The following HEPHL1 variants were observed in gnomAD, a reference collection of about 807,000 sequenced individuals.
HEPHL1 encodes ferroxidase HEPHL1.
A neutral mutation model predicts 122.0 loss-of-function variants in HEPHL1; 123 were observed. That is an observed-to-expected ratio of 1.01 (90% CI 0.87 to 1.17). HEPHL1 has a LOEUF of 1.17. Among genes scored for constraint, HEPHL1 ranks in the 50% most tolerant of loss-of-function variants. The pLI, the probability that HEPHL1 is intolerant of heterozygous loss-of-function variation, is 0.00. For missense variants in HEPHL1, 1,452 were observed against 1,430.5 expected (o/e 1.01, Z -0.24); for synonymous variants, 527 against 508.9 (o/e 1.04, Z -0.48).
intron 14 of HEPHL1, 96 bp from the exon 15 acceptor site, chr11:94,102,818 T>A: frequency 1.5e-6 from 1 of 648,058 alleles, no homozygotes; most frequent in Non-Finnish European, 2.7e-6. Flanking sequence ...CAATAAACAT[T>A]AATGAAAATA....
At chr11:94,098,192 C>G (rs1407000124) in intron 13 of HEPHL1, among the ~76,000 whole-genome samples, 1 of 152,136 alleles carries the variant, frequency 6.6e-6, no homozygotes, top group Non-Finnish European at 1.5e-5. Flanking sequence ...CCTTCAGGAG[C>G]TCTTGTAATG....
chr11:94,106,111 C>T lies in HEPHL1; in HGVS notation c.3026C>T (p.Ala1009Val). 6.4e-7 allele frequency: 1 copy of T among 1,564,292 alleles called. No homozygotes were observed. ...GACATACATACCATCCATTATCATG[C>T]TGAGAGCTTTCTTTTCAAAGTAAGT... is the stretch of plus-strand genomic sequence containing the variant. ...EVDIHTIHYHAESFLFKIDKS... is the reference protein window; with the variant it reads ...EVDIHTIHYHVESFLFKIDKS... The change falls in exon 17 of 20, where the codon GCT becomes GTT. Residue 1009 changes from alanine to valine, a missense_variant. Physicochemically the swap from Ala to Val is moderately conservative, Grantham distance 64. Transcript: ENST00000315765.
intron 1 of HEPHL1, 89 bp downstream of exon 1, chr11:94,021,627 A>G (rs1273113920): frequency 9.7e-7 from 1 of 1,029,472 alleles, no homozygotes; most frequent in Admixed American, 2.2e-5. Context: ...GGTACTTACA[A>G]TGGGGGTGAG....
At chr11:94,030,105 G>C (rs1295227782) in intron 1 of HEPHL1, among the ~76,000 whole-genome samples, 4 of 152,174 alleles carry the variant, frequency 2.6e-5, no homozygotes, top group Admixed American at 2.6e-4. Flanking sequence ...GGGCCTGTTG[G>C]AATGATAAGG....
intron 3 of HEPHL1, 25 bp downstream of exon 3, chr11:94,063,745 C>A: frequency 1.3e-6 from 2 of 1,587,856 alleles, no homozygotes; most frequent in Non-Finnish European, 1.7e-6. Context: ...TTCCAGGTAA[C>A]TAGGGAGTTG....
chr11:94,063,847 G>A, intron 3 of HEPHL1, 127 bp downstream of exon 3: 2 of 750,970 alleles, frequency 2.7e-6, no homozygotes. Context: ...ATTCTGACAT[G>A]GAAGATCAAT....
In HEPHL1 at chr11:94,044,272, T is replaced by G. The variant is rs1049402835; in HGVS notation, c.171-1401T>G. Among the ~76,000 whole-genome samples the G allele has an allele frequency of 2.0e-5, 3 of 152,100 alleles. No individual in the cohort carries two copies. In the East Asian group the frequency reaches 5.8e-4, roughly 29 times the overall value. On this transcript the variant is annotated intron_variant, in intron 1 of 19. Transcript: ENST00000315765. ...GTCCCCAGGAAGGCATCTGGTCATC[T>G]CAAGTCTTAGAATTCTGTTTTTCTC...
chr11:94,049,345 AC>A (rs1945869855), intron 2 of HEPHL1, among the ~76,000 whole-genome samples: 1 of 151,866 alleles, frequency 6.6e-6, no homozygotes, highest in African/African-American at 2.4e-5. Context: ...AACAAAAACA[AC>A]CAGATACTGG....
Position 94,063,548 on chromosome 11 carries a change from T to G in HEPHL1, c.456T>G (p.Asn152Lys), listed in dbSNP as rs1946004693. The change falls in exon 3 of 20, where the codon AAT (asparagine) becomes AAG (lysine). Residue 152 changes from asparagine to lysine, a missense_variant. Transcript: ENST00000315765. ...YPDGTSGRNK[N>K]DDMVPPGKNY... ...ATGGAACATCTGGAAGGAACAAAAATGATGACATGGTTCCTCCTGGGAAAA... is the reference window on the plus strand; with the variant it reads ...ATGGAACATCTGGAAGGAACAAAAAGGATGACATGGTTCCTCCTGGGAAAA... 1 of 1,613,026 alleles carries G rather than the reference T, an allele frequency of 6.2e-7. No individual in the cohort carries two copies.
chr11:94,023,747 T>G (rs1945601047), intron 1 of HEPHL1, among the ~76,000 whole-genome samples: 1 of 152,174 alleles, frequency 6.6e-6, no homozygotes. Context: ...GGACAGAGTT[T>G]GTGTCAGACA....
rs1394095813 is a variant in HEPHL1 at position 94,110,908 on chromosome 11, T to G, written c.3051T>G (p.Asp1017Glu). ...TTTTTAAAACGTTTTTGCAGATAGA[T>G]AAATCTTACCGAGAAGATGTGTATG... ...YHAESFLFKI[D>E]KSYREDVYDL... The change falls in exon 18 of 20, where the codon GAT becomes GAG. Residue 1017 changes from aspartate (D) to glutamate (E), a missense_variant. Transcript: ENST00000315765. The G allele has an allele frequency of 1.2e-6, 2 of 1,611,572 alleles. 1 individual carries two copies. The highest frequency in any genetic ancestry group is 1.7e-6 in the Non-Finnish European group (2 of 1,178,602).
intron 11 of HEPHL1, among the ~76,000 whole-genome samples, chr11:94,087,807 T>C (rs1863003178): frequency 2.6e-5 from 4 of 152,154 alleles, no homozygotes; most frequent in Admixed American, 2.6e-4. Context: ...TTGGTACCCA[T>C]TGAATCAACC....
At chr11:94,046,056 C>T (rs1482365164) in intron 2 of HEPHL1, 139 bp downstream of exon 2, 2 of 455,802 alleles carry the variant, frequency 4.4e-6, no homozygotes, top group African/African-American at 2.2e-5. Context: ...CATCCATCTC[C>T]ATCTATCTAT....
Position 94,021,522 on chromosome 11 carries a change from A to C in HEPHL1, c.154A>C (p.Ser52Arg). 1 of 1,608,646 alleles carries C rather than the reference A, an allele frequency of 6.2e-7. No individual in the cohort carries two copies. The highest frequency in any genetic ancestry group is 8.5e-7 in the Non-Finnish European group (1 of 1,177,492). ...AGGGAAGAATGTTATTACTGGGAAA[A>C]GTTTCACAGAAGACAAGTGAGTGAA... Reference protein sequence around the residue: ...PQGKNVITGKSFTEDKLATLF... With the variant: ...PQGKNVITGKRFTEDKLATLF... Residue 52 changes from serine to arginine, a missense_variant, in exon 1 of 20, where the codon AGT (serine) becomes CGT (arginine). By Grantham distance (110) the Ser-to-Arg change is moderately radical. Coordinates refer to ENST00000315765, the MANE Select transcript of HEPHL1 (RefSeq NM_001098672.2).
chr11:94,064,142 C>T (rs1408541686), intron 3 of HEPHL1, among the ~76,000 whole-genome samples, 189 bp from the exon 4 acceptor site: 1 of 152,150 alleles, frequency 6.6e-6, no homozygotes, highest in African/African-American at 2.4e-5. Context: ...ATGAAGATTT[C>T]TGTTTTATGA....
At chr11:94,083,791 G>C (rs943105838) in intron 10 of HEPHL1, among the ~76,000 whole-genome samples, 6 of 151,930 alleles carry the variant, frequency 3.9e-5, no homozygotes, top group Admixed American at 2.0e-4. Flanking sequence ...TTCTACAAAA[G>C]GTTTTGCTGT....
Position 94,075,393 on chromosome 11 carries a change from A to C in HEPHL1, c.1716+8A>C. On this transcript the variant is annotated splice_region_variant and intron_variant, in intron 9 of 19. Coordinates refer to ENST00000315765, the MANE Select transcript of HEPHL1 (RefSeq NM_001098672.2). ...AATGCTGATGGGACACAGGTAGGCC[A>C]TTGAGTGTCACCAGTTCTTCTCAGG... 6.2e-7 allele frequency: 1 copy of C among 1,605,572 alleles called. No homozygotes were observed. The highest frequency in any genetic ancestry group is 8.5e-7 in the Non-Finnish European group (1 of 1,174,224).
rs146222000 is a variant in HEPHL1 at position 94,051,404 on chromosome 11, T to C, written c.415+5487T>C. 3.0e-3 allele frequency among the ~76,000 whole-genome samples: 458 copies of C among 152,268 alleles called. 4 individuals carry two copies. Among genetic ancestry groups the C allele is most frequent in the African/African-American group, 0.01 (424 of 41,554 alleles). On this transcript the variant is annotated intron_variant, in intron 2 of 19. Transcript: ENST00000315765. ...TGATTTATATTTCTCTGATGACCAA[T>C]AATGTTAAGCACCTTTTCATACACC...
chr11:94,080,889 C>T (rs982920269), intron 9 of HEPHL1, among the ~76,000 whole-genome samples: 1 of 152,164 alleles, frequency 6.6e-6, no homozygotes, highest in Non-Finnish European at 1.5e-5. Flanking sequence ...ATGGTGATTC[C>T]TCAAAGACCT....
Sources: gnomAD v4.1 joint callset for allele counts (sites outside exome capture counted in the v4.1 genomes callset) on GRCh38, gnomAD v4.1.1 for gene constraint, MANE v1.5 for transcripts, NCBI Gene and HGNC (gene_info 2026-07-23, HGNC 2026-07-21) for gene names.